The following KRTAP2-4 variants were observed in gnomAD, a reference collection of about 807,000 sequenced individuals.
The protein encoded by KRTAP2-4 is keratin associated protein 2-4.
Under a neutral mutation model 11.5 loss-of-function variants are expected in KRTAP2-4, and 7 were observed. That is an observed-to-expected ratio of 0.61 (90% CI 0.35 to 1.15). The LOEUF (loss-of-function observed/expected upper bound fraction) is 1.15, where lower values mean the gene tolerates loss of function less well. Ranked by LOEUF, KRTAP2-4 falls within the 50% of genes most tolerant of loss-of-function variation. KRTAP2-4 has a pLI of 0.03. For synonymous variants in KRTAP2-4, 49 were observed against 77.9 expected, an observed-to-expected ratio of 0.63 and a Z score of 1.96; for missense variants, 93 against 183.2, an observed-to-expected ratio of 0.51 and a Z score of 2.84.
At position 41,065,412 on chromosome 17, in the gene KRTAP2-4, A is replaced by G; in HGVS notation, c.*47T>C. 6.5e-7 allele frequency: 1 copy of G among 1,548,478 alleles called. No individual in the cohort carries two copies. Among genetic ancestry groups the G allele is most frequent in the Non-Finnish European group, 8.7e-7 (1 of 1,145,362 alleles). ...TCTTTTAACTTTTTAAAAACACCAG[A>G]TAGATGTTTAGGCTTCAGTGTATTG... On this transcript the variant is annotated 3_prime_UTR_variant, in exon 1 of 1. Coordinates refer to ENST00000394015, the MANE Select transcript of KRTAP2-4 (RefSeq NM_033184.4).
chr17:41,065,337 T>C lies in KRTAP2-4; in HGVS notation c.*122A>G, dbSNP rs2013253312. 2.1e-6 allele frequency: 3 copies of C among 1,445,336 alleles called. No individual in the cohort carries two copies. The highest frequency in any genetic ancestry group is 2.8e-5 in the South Asian group (2 of 70,556). 89.5% of individuals were successfully genotyped at this position (1,445,336 alleles called of 1,614,324 possible). On this transcript the variant is annotated 3_prime_UTR_variant, in exon 1 of 1. Transcript: ENST00000394015. ...GGACGTCTGCTTACACCAGGCTGTATCCAGATGGTAAAAATCACTATTGTC... is the reference window on the plus strand; with the variant it reads ...GGACGTCTGCTTACACCAGGCTGTACCCAGATGGTAAAAATCACTATTGTC...
Position 41,065,528 on chromosome 17 carries a change from G to C in KRTAP2-4, c.318C>G (p.Ser106=). 6.5e-7 allele frequency: 1 copy of C among 1,533,408 alleles called. No individual in the cohort carries two copies. The highest frequency in any genetic ancestry group is 8.8e-7 in the Non-Finnish European group (1 of 1,138,712). 95.0% of individuals were successfully genotyped at this position (1,533,408 alleles called of 1,614,324 possible). Residue 106 remains serine (S), a synonymous_variant, in exon 1 of 1, where the codon TCC becomes TCG. Coordinates refer to ENST00000394015, the MANE Select transcript of KRTAP2-4 (RefSeq NM_033184.4). The stretch of plus-strand genomic sequence containing the variant: ...GGCCGCAGGGGGGCCGGCAGCAGGG[G>C]GACTGCACAGACACAGGCTGGCAGC... ...TTCCQPVSVQ[S]PCCRPPCGQP...
In KRTAP2-4 at chr17:41,065,222, G is replaced by T; in HGVS notation, c.*237C>A. 1.4e-6 allele frequency: 1 copy of T among 734,260 alleles called. No homozygotes were observed. Among genetic ancestry groups the T allele is most frequent in the Non-Finnish European group, 2.1e-6 (1 of 470,948 alleles). 45.5% of individuals were successfully genotyped at this position (734,260 alleles called of 1,614,324 possible). A position where few individuals can be genotyped will look rare whatever the true frequency, so the allele number is the denominator to read the frequency against. On this transcript the variant is annotated 3_prime_UTR_variant, in exon 1 of 1. Transcript: ENST00000394015. ...TCAGGTTGTAGAATGTGTTTGCAAAGTCCACCCCAGGAATTCTTAAAGGTC... is the reference window on the plus strand; with the variant it reads ...TCAGGTTGTAGAATGTGTTTGCAAATTCCACCCCAGGAATTCTTAAAGGTC...
At position 41,065,449 on chromosome 17, in the gene KRTAP2-4, C is replaced by T. The variant is rs1416091206; in HGVS notation, c.*10G>A. On this transcript the variant is annotated 3_prime_UTR_variant, in exon 1 of 1. Coordinates refer to ENST00000394015, the MANE Select transcript of KRTAP2-4 (RefSeq NM_033184.4). The stretch of plus-strand genomic sequence containing the variant: ...GCTTCAGTGTATTGCTCTGTGGGGG[C>T]ATTGGGGTCTCAGCAGGAGGAGGTC... 1 of 1,590,362 alleles carries T rather than the reference C, an allele frequency of 6.3e-7. No individual in the cohort carries two copies. The highest frequency in any genetic ancestry group is 8.6e-7 in the Non-Finnish European group (1 of 1,169,264).
chr17:41,065,814 G>A lies in KRTAP2-4; in HGVS notation c.32C>T (p.Ser11Phe). 6.5e-7 allele frequency: 1 copy of A among 1,530,638 alleles called. No individual in the cohort carries two copies. The highest frequency in any genetic ancestry group is 8.7e-7 in the Non-Finnish European group (1 of 1,144,278). 94.8% of individuals were successfully genotyped at this position (1,530,638 alleles called of 1,614,324 possible). A position where few individuals can be genotyped will look rare whatever the true frequency, so the allele number is the denominator to read the frequency against. MTGSCCGSTL[S>F]SLSYGGGCCQ... is the part of the protein sequence containing the mutation. ...GCAGCCTCCCCCGTAGCTCAGGGAG[G>A]ACAAGGTGGAGCCGCAGCAGGAGCC... The change falls in exon 1 of 1, where the codon TCC becomes TTC. Residue 11 changes from serine (S) to phenylalanine (F), a missense_variant. Ser to Phe is a radical substitution (Grantham distance 155, BLOSUM62 -2). Coordinates refer to ENST00000394015, the MANE Select transcript of KRTAP2-4 (RefSeq NM_033184.4).
rs1277592689 is a variant in KRTAP2-4, at chr17:41,065,466, G to C, written c.380C>G (p.Ser127Cys). The C allele has an allele frequency of 1.9e-6, 3 of 1,590,086 alleles. No individual in the cohort carries two copies. Among genetic ancestry groups the C allele is most frequent in the Non-Finnish European group, 2.6e-6 (3 of 1,169,302 alleles). The change falls in exon 1 of 1, where the codon TCC (serine) becomes TGC (cysteine). Residue 127 changes from serine (S) to cysteine (C), a missense_variant. Ser to Cys is a moderately radical substitution (Grantham distance 112, BLOSUM62 -1). Transcript: ENST00000394015. ...TPCSTTCRTS[S>C]C The stretch of plus-strand genomic sequence containing the variant: ...TGTGGGGGCATTGGGGTCTCAGCAG[G>C]AGGAGGTCCTGCAGGTGGTGCTGCA...
In KRTAP2-4 at chr17:41,065,328, C is replaced by A; in HGVS notation, c.*131G>T. On this transcript the variant is annotated 3_prime_UTR_variant, in exon 1 of 1. Transcript: ENST00000394015. ...GGTGGTAATGGACGTCTGCTTACAC[C>A]AGGCTGTATCCAGATGGTAAAAATC... 1.4e-6 allele frequency: 2 copies of A among 1,426,776 alleles called. No homozygotes were observed. The highest frequency in any genetic ancestry group is 1.9e-6 in the Non-Finnish European group (2 of 1,076,912). The allele number at this position is 1,426,776 out of a possible 1,614,324, so 88.4% of individuals were successfully genotyped here. A position where few individuals can be genotyped will look rare whatever the true frequency, so the allele number is the denominator to read the frequency against.
In KRTAP2-4 at chr17:41,065,355, C is replaced by G; in HGVS notation, c.*104G>C. ...GGCTGTATCCAGATGGTAAAAATCA[C>G]TATTGTCACCTTGTGAAAAAAAATC... On this transcript the variant is annotated 3_prime_UTR_variant, in exon 1 of 1. Coordinates refer to ENST00000394015, the MANE Select transcript of KRTAP2-4 (RefSeq NM_033184.4). 1 of 1,471,784 alleles carries G rather than the reference C, an allele frequency of 6.8e-7. No homozygotes were observed. The highest frequency in any genetic ancestry group is 2.3e-5 in the Admixed American group (1 of 43,412). 91.2% of individuals were successfully genotyped at this position (1,471,784 alleles called of 1,614,324 possible). A position where few individuals can be genotyped will look rare whatever the true frequency, so the allele number is the denominator to read the frequency against.
Position 41,065,563 on chromosome 17 carries a change from C to T in KRTAP2-4, c.283G>A (p.Ala95Thr), listed in dbSNP as rs1322560622. The T allele has an allele frequency of 7.8e-6, 12 of 1,531,192 alleles. No individual in the cohort carries two copies. Among genetic ancestry groups the T allele is most frequent in the Non-Finnish European group, 1.1e-5 (12 of 1,142,440 alleles). 94.9% of individuals were successfully genotyped at this position (1,531,192 alleles called of 1,614,324 possible). A position where few individuals can be genotyped will look rare whatever the true frequency, so the allele number is the denominator to read the frequency against. ...GACACAGGCTGGCAGCAGGTGGTGG[C>T]CCAGCAGCAGGGCCTGCACACCACA... ...TAVVCRPCCW[A>T]TTCCQPVSVQ... The change falls in exon 1 of 1, where the codon GCC (alanine) becomes ACC (threonine). Residue 95 changes from alanine (A) to threonine (T), a missense_variant. Transcript: ENST00000394015.
Position 41,065,222 on chromosome 17 carries a change from G to A in KRTAP2-4, c.*237C>T. ...TCAGGTTGTAGAATGTGTTTGCAAA[G>A]TCCACCCCAGGAATTCTTAAAGGTC... On this transcript the variant is annotated 3_prime_UTR_variant, in exon 1 of 1. Coordinates refer to ENST00000394015, the MANE Select transcript of KRTAP2-4 (RefSeq NM_033184.4). 1 of 734,264 alleles carries A rather than the reference G, an allele frequency of 1.4e-6. No homozygotes were observed. Among genetic ancestry groups the A allele is most frequent in the Non-Finnish European group, 2.1e-6 (1 of 470,950 alleles). 45.5% of individuals were successfully genotyped at this position (734,264 alleles called of 1,614,324 possible). A position where few individuals can be genotyped will look rare whatever the true frequency, so the allele number is the denominator to read the frequency against.
At position 41,065,164 on chromosome 17, in the gene KRTAP2-4, AG is replaced by A; in HGVS notation, c.*294del. On this transcript the variant is annotated 3_prime_UTR_variant, in exon 1 of 1. Transcript: ENST00000394015. The stretch of plus-strand genomic sequence containing the variant: ...ACAACAGTGAGCAACACATTGCAAA[AG>A]ATGATGGTGACAGTTTGAGCAGTAA... 1.1e-5 allele frequency: 6 copies of A among 546,312 alleles called. No individual in the cohort carries two copies. Among genetic ancestry groups the A allele is most frequent in the Non-Finnish European group, 1.9e-5 (6 of 318,196 alleles). 33.8% of individuals were successfully genotyped at this position (546,312 alleles called of 1,614,324 possible).
Position 41,065,633 on chromosome 17 carries a change from T to C in KRTAP2-4, c.213A>G (p.Glu71=). The part of the protein sequence containing the change: ...PVCCDPCSLQ[E]GCCRPITCCP... ...AGCAGGTGATGGGGCGGCAGCAGCC[T>C]TCCTGCAGGGAGCAGGGGTCGCAGC... The change falls in exon 1 of 1, where the codon GAA becomes GAG. Residue 71 remains glutamate, a synonymous_variant. Coordinates refer to ENST00000394015, the MANE Select transcript of KRTAP2-4 (RefSeq NM_033184.4). 6.7e-7 allele frequency: 1 copy of C among 1,498,872 alleles called. No homozygotes were observed. The highest frequency in any genetic ancestry group is 8.9e-7 in the Non-Finnish European group (1 of 1,120,790). 92.8% of individuals were successfully genotyped at this position (1,498,872 alleles called of 1,614,324 possible).
chr17:41,065,828 G>A lies in KRTAP2-4; in HGVS notation c.18C>T (p.Cys6=), dbSNP rs1377918002. The A allele has an allele frequency of 2.6e-6, 4 of 1,531,866 alleles. No homozygotes were observed. In the Admixed American group the frequency reaches 7.9e-5, roughly 30 times the overall value. 94.9% of individuals were successfully genotyped at this position (1,531,866 alleles called of 1,614,324 possible). Residue 6 remains cysteine, a synonymous_variant, in exon 1 of 1, where the codon TGC becomes TGT. Transcript: ENST00000394015. MTGSC[C]GSTLSSLSYG... ...AGCTCAGGGAGGACAAGGTGGAGCC[G>A]CAGCAGGAGCCGGTCATGGTGGTGT...
Position 41,065,851 on chromosome 17 carries a change from T to C in KRTAP2-4, c.-6A>G, listed in dbSNP as rs773151181. On this transcript the variant is annotated 5_prime_UTR_variant, in exon 1 of 1. Coordinates refer to ENST00000394015, the MANE Select transcript of KRTAP2-4 (RefSeq NM_033184.4). ...CCGCAGCAGGAGCCGGTCATGGTGG[T>C]GTCTGAGGCTGGTGTGGGTTGGGCT... 3.3e-6 allele frequency: 5 copies of C among 1,517,244 alleles called. No individual in the cohort carries two copies. Among genetic ancestry groups the C allele is most frequent in the Middle Eastern group, 4.7e-4 (2 of 4,290 alleles). 94.0% of individuals were successfully genotyped at this position (1,517,244 alleles called of 1,614,324 possible). A position where few individuals can be genotyped will look rare whatever the true frequency, so the allele number is the denominator to read the frequency against.
chr17:41,065,312 G>T lies in KRTAP2-4; in HGVS notation c.*147C>A. 7.4e-7 allele frequency: 1 copy of T among 1,354,644 alleles called. No homozygotes were observed. The highest frequency in any genetic ancestry group is 9.8e-7 in the Non-Finnish European group (1 of 1,020,176). The allele number at this position is 1,354,644 out of a possible 1,614,324, so 83.9% of individuals were successfully genotyped here. A position where few individuals can be genotyped will look rare whatever the true frequency, so the allele number is the denominator to read the frequency against. ...TGAAAATGTGGGTGAGGGTGGTAAT[G>T]GACGTCTGCTTACACCAGGCTGTAT... On this transcript the variant is annotated 3_prime_UTR_variant, in exon 1 of 1. Coordinates refer to ENST00000394015, the MANE Select transcript of KRTAP2-4 (RefSeq NM_033184.4).
In KRTAP2-4 at chr17:41,065,800, C is replaced by T. The variant is rs1188046306; in HGVS notation, c.46G>A (p.Gly16Arg). The change falls in exon 1 of 1, where the codon GGG (glycine) becomes AGG (arginine). Residue 16 changes from glycine (G) to arginine (R), a missense_variant. Physicochemically the swap from Gly to Arg is moderately radical, Grantham distance 125. Coordinates refer to ENST00000394015, the MANE Select transcript of KRTAP2-4 (RefSeq NM_033184.4). ...CAGCAGGGCTGGCAGCAGCCTCCCC[C>T]GTAGCTCAGGGAGGACAAGGTGGAG... ...CGSTLSSLSY[G>R]GGCCQPCCCR... 1.2e-5 allele frequency: 18 copies of T among 1,529,826 alleles called. No individual in the cohort carries two copies. In the East Asian group the frequency reaches 2.7e-4, roughly 23 times the overall value. The allele number at this position is 1,529,826 out of a possible 1,614,324, so 94.8% of individuals were successfully genotyped here. A position where few individuals can be genotyped will look rare whatever the true frequency, so the allele number is the denominator to read the frequency against.
In KRTAP2-4 at chr17:41,065,734, T is replaced by C. The variant is rs757775111; in HGVS notation, c.112A>G (p.Thr38Ala). The C allele has an allele frequency of 1.2e-5, 18 of 1,508,366 alleles. No homozygotes were observed. The highest frequency in any genetic ancestry group is 2.6e-6 in the Non-Finnish European group (3 of 1,133,162). 93.4% of individuals were successfully genotyped at this position (1,508,366 alleles called of 1,614,324 possible). The change falls in exon 1 of 1, where the codon ACC becomes GCC. Residue 38 changes from threonine to alanine, a missense_variant. Transcript: ENST00000394015. ...CAGGTCACGGGGCGGCACACGGTGG[T>C]CTGGCAGGTCACGGGGCGGCAGCAG... ...PCCCRPVTCQ[T>A]TVCRPVTCVP...
At position 41,065,703 on chromosome 17, in the gene KRTAP2-4, G is replaced by A. The variant is rs1215600216; in HGVS notation, c.143C>T (p.Pro48Leu). The A allele has an allele frequency of 3.4e-6, 5 of 1,478,254 alleles. No individual in the cohort carries two copies. The highest frequency in any genetic ancestry group is 4.5e-6 in the Non-Finnish European group (5 of 1,116,170). The allele number at this position is 1,478,254 out of a possible 1,614,324, so 91.6% of individuals were successfully genotyped here. ...TTVCRPVTCV[P>L]RCTRPICEPC... is the part of the protein sequence containing the mutation. ...CTCGCAGATGGGGCGCGTGCAGCGG[G>A]GCACGCAGGTCACGGGGCGGCACAC... Residue 48 changes from proline (P) to leucine (L), a missense_variant, in exon 1 of 1, where the codon CCC becomes CTC. Pro to Leu is a moderately conservative substitution (Grantham distance 98). Transcript: ENST00000394015.
In KRTAP2-4 at chr17:41,065,740, A is replaced by G; in HGVS notation, c.106T>C (p.Cys36Arg). ...ACGGGGCGGCACACGGTGGTCTGGC[A>G]GGTCACGGGGCGGCAGCAGCAGGGG... is the stretch of plus-strand genomic sequence containing the variant. ...RDPCCCRPVT[C>R]QTTVCRPVTC... Residue 36 changes from cysteine (C) to arginine (R), a missense_variant, in exon 1 of 1, where the codon TGC (cysteine) becomes CGC (arginine). Transcript: ENST00000394015. The G allele has an allele frequency of 6.6e-7, 1 of 1,512,704 alleles. No homozygotes were observed. Among genetic ancestry groups the G allele is most frequent in the South Asian group, 1.2e-5 (1 of 80,216 alleles). 93.7% of individuals were successfully genotyped at this position (1,512,704 alleles called of 1,614,324 possible). A position where few individuals can be genotyped will look rare whatever the true frequency, so the allele number is the denominator to read the frequency against.
Sources: allele counts gnomAD v4.1 joint callset, GRCh38; gene constraint gnomAD v4.1.1; transcripts MANE v1.5; gene names NCBI Gene and HGNC (gene_info 2026-07-23, HGNC 2026-07-21).